UNC13B: variants seen among roughly 807,000 people sequenced by gnomAD.
UNC13B encodes the protein protein unc-13 homolog B.
In UNC13B, 144 loss-of-function variants were observed where a neutral mutation model predicts 211.0. The ratio of observed to expected loss-of-function variants is 0.68; its 90% CI spans 0.60 to 0.78. The LOEUF (loss-of-function observed/expected upper bound fraction) is 0.78, where lower values mean the gene tolerates loss of function less well. UNC13B is among the 30% of genes least tolerant of loss of function. The pLI is 0.00. For synonymous variants in UNC13B, 709 were observed against 725.8 expected, an observed-to-expected ratio of 0.98 and a Z score of 0.37; for missense variants, 1,777 against 2,002.0, an observed-to-expected ratio of 0.89 and a Z score of 2.14.
intron 7 of UNC13B, among the ~76,000 whole-genome samples, chr9:35,277,254 G>A (rs1828230683): frequency 1.3e-5 from 2 of 152,260 alleles, no homozygotes; most frequent in South Asian, 2.1e-4. Flanking sequence ...CTGGAAGATG[G>A]CATCCTTTTT....
chr9:35,190,990 C>T (rs1054898356), intron 1 of UNC13B, among the ~76,000 whole-genome samples: 6 of 152,020 alleles, frequency 3.9e-5, no homozygotes, highest in East Asian at 1.9e-4. Context: ...GACAGAGTCT[C>T]GCTCTGTCGC....
Position 35,252,241 on chromosome 9 carries a change from T to A in UNC13B, c.469-6752T>A, listed in dbSNP as rs369328639. ...TGTCAGCCCATTTCATTCATTATGA[T>A]GTTTTCCCATCAGCCTTTCATCTAA... On this transcript the variant is annotated intron_variant, in intron 6 of 39. Transcript: ENST00000635942. 7.5e-4 allele frequency among the ~76,000 whole-genome samples: 115 copies of A among 152,344 alleles called. 1 individual carries two copies. In the South Asian group the frequency reaches 0.019, roughly 25 times the overall value.
chr9:35,328,981 T>C (rs765705081), intron 11 of UNC13B, among the ~76,000 whole-genome samples: 28 of 151,902 alleles, frequency 1.8e-4, no homozygotes, highest in South Asian at 2.1e-4. Context: ...CTGTGTTAGC[T>C]AAGATGGTCT....
In UNC13B at chr9:35,306,993, C is replaced by A. The variant is rs1252423711; in HGVS notation, c.7589C>A (p.Ala2530Asp). The change falls in exon 9 of 40, where the codon GCT (alanine) becomes GAT (aspartate). Residue 2530 changes from alanine to aspartate, a missense_variant. Physicochemically the swap from Ala to Asp is moderately radical, Grantham distance 126. Transcript: ENST00000635942. The stretch of plus-strand genomic sequence containing the variant: ...TACAAACAAGAATCATCTCTCCCAG[C>A]TACTTCATGGCTTCAAAATGGTTGT... ...EPYKQESSLP[A>D]TSWLQNGCSR... 1 of 398,928 alleles carries A rather than the reference C, an allele frequency of 2.5e-6. No individual in the cohort carries two copies. Among genetic ancestry groups the A allele is most frequent in the African/African-American group, 2.1e-5 (1 of 48,630 alleles). The allele number at this position is 398,928 out of a possible 1,614,324, so 24.7% of individuals were successfully genotyped here.
chr9:35,335,398 C>A (rs925331502), intron 11 of UNC13B, among the ~76,000 whole-genome samples: 1 of 152,182 alleles, frequency 6.6e-6, no homozygotes, highest in African/African-American at 2.4e-5. Context: ...TACCACTATG[C>A]CCTGAAGTAC....
chr9:35,386,333 C>T, intron 24 of UNC13B, 40 bp downstream of exon 24: 2 of 1,611,324 alleles, frequency 1.2e-6, no homozygotes, highest in Non-Finnish European at 1.7e-6. Context: ...CTGTCAGTGG[C>T]TCTTTGGAGC....
At chr9:35,260,656 C>A (rs889561061) in intron 7 of UNC13B, among the ~76,000 whole-genome samples, 2 of 152,026 alleles carry the variant, frequency 1.3e-5, no homozygotes, top group South Asian at 4.1e-4. Flanking sequence ...TAAAGAAAAC[C>A]TATTTTTCAT....
chr9:35,400,200 T>G, intron 36 of UNC13B, 96 bp from the exon 37 acceptor site: 1 of 1,528,420 alleles, frequency 6.5e-7, no homozygotes. Context: ...GAACAGCCTA[T>G]TCTCACAGTC....
At chr9:35,210,020 G>A (rs986522011) in intron 1 of UNC13B, among the ~76,000 whole-genome samples, 6 of 152,022 alleles carry the variant, frequency 3.9e-5, no homozygotes, top group Admixed American at 2.0e-4. Context: ...TGGGTGGATC[G>A]CTTGAGCCCA....
At chr9:35,202,045 T>C (rs1192983227) in intron 1 of UNC13B, among the ~76,000 whole-genome samples, 1 of 152,206 alleles carries the variant, frequency 6.6e-6, no homozygotes, top group Non-Finnish European at 1.5e-5. Flanking sequence ...TGTGTCTTTG[T>C]TCCATTGGTT....
chr9:35,335,732 C>G (rs1013792493), intron 11 of UNC13B, among the ~76,000 whole-genome samples: 19 of 149,226 alleles, frequency 1.3e-4, no homozygotes, highest in Admixed American at 1.3e-4. Context: ...GTCTGTCACT[C>G]AAGCTGGAGT....
chr9:35,186,670 T>G (rs1408962497), intron 1 of UNC13B, among the ~76,000 whole-genome samples: 2 of 152,068 alleles, frequency 1.3e-5, no homozygotes, highest in Non-Finnish European at 2.9e-5. Flanking sequence ...TAGTCAGTCT[T>G]GAGAAGGCGG....
intron 1 of UNC13B, 44 bp from the exon 2 acceptor site, chr9:35,227,971 A>G (rs1218740290): frequency 6.3e-7 from 1 of 1,589,272 alleles, no homozygotes; most frequent in Middle Eastern, 1.7e-4. Context: ...AAGTAAAATG[A>G]ACTTGGAAAC....
At chr9:35,206,758 C>T (rs1211010224) in intron 1 of UNC13B, among the ~76,000 whole-genome samples, 2 of 151,782 alleles carry the variant, frequency 1.3e-5, no homozygotes, top group Non-Finnish European at 2.9e-5. Flanking sequence ...CCTGTAGTCC[C>T]AGCTACTCGG....
At chr9:35,385,093 C>G in intron 22 of UNC13B, 1 of 985,410 alleles carries the variant, frequency 1.0e-6, no homozygotes, top group Non-Finnish European at 1.2e-6. Flanking sequence ...TAAAAACTGA[C>G]CATTAATGTG....
chr9:35,227,521 A>T (rs1353427769), intron 1 of UNC13B, among the ~76,000 whole-genome samples: 1 of 152,004 alleles, frequency 6.6e-6, no homozygotes, highest in African/African-American at 2.4e-5. Flanking sequence ...TGCCTTTGGA[A>T]ACAGCGCTTT....
chr9:35,274,750 A>G (rs999917326), intron 7 of UNC13B, among the ~76,000 whole-genome samples: 4 of 152,156 alleles, frequency 2.6e-5, no homozygotes, highest in African/African-American at 4.8e-5. Flanking sequence ...AAGCCATAAT[A>G]TAATATGTAT....
intron 11 of UNC13B, among the ~76,000 whole-genome samples, chr9:35,346,289 T>C (rs928888561): frequency 6.6e-6 from 1 of 152,190 alleles, no homozygotes. Flanking sequence ...GCTTGATATA[T>C]GTACATCGAG....
chr9:35,370,297 C>A, intron 12 of UNC13B, 21 bp from the exon 13 acceptor site: 1 of 1,611,276 alleles, frequency 6.2e-7, no homozygotes, highest in East Asian at 2.2e-5. Flanking sequence ...ACGGTCCTGA[C>A]ATATTTTCTT....
Sources: allele counts gnomAD v4.1 joint callset (sites outside exome capture counted in the v4.1 genomes callset), GRCh38; gene constraint gnomAD v4.1.1; transcripts MANE v1.5; gene names NCBI Gene and HGNC (gene_info 2026-07-23, HGNC 2026-07-21).